Variants in ZNF385C observed in about 807,000 individuals in gnomAD.
ZNF385C encodes CTD-2132N18.2.
ZNF385C carries 28 observed loss-of-function variants against 35.4 expected under a neutral mutation model. The ratio of observed to expected loss-of-function variants is 0.79; its 90% confidence interval spans 0.59 to 1.08. ZNF385C has a LOEUF of 1.08. ZNF385C is among the 50% of genes least tolerant of loss of function. ZNF385C has a pLI of 0.00. For synonymous variants in ZNF385C, 248 were observed against 248.2 expected (o/e 1.00, Z 0.01); for missense variants, 605 against 595.6 (o/e 1.02, Z -0.16).
At chr17:42,060,111 T>C (rs1555657884) in intron 2 of ZNF385C, among the ~76,000 whole-genome samples, 1 of 152,100 alleles carries the variant, frequency 6.6e-6, no homozygotes, top group East Asian at 1.9e-4. Flanking sequence ...CCACTCAGTG[T>C]CAGCCCTCCA....
chr17:42,060,040 AG>A (rs1469355533), intron 2 of ZNF385C, among the ~76,000 whole-genome samples: 3 of 152,156 alleles, frequency 2.0e-5, no homozygotes, highest in African/African-American at 7.2e-5. Context: ...AGACCTGAAG[AG>A]GCTGTGTTAC....
intron 1 of ZNF385C, among the ~76,000 whole-genome samples, chr17:42,076,663 A>C (rs782466112): frequency 2.0e-5 from 3 of 152,210 alleles, no homozygotes; most frequent in Middle Eastern, 3.4e-3. Flanking sequence ...AGGCTCTGAG[A>C]AGTTAACTTA....
chr17:42,086,953 C>G lies in ZNF385C; in HGVS notation c.-3+11457G>C, dbSNP rs374663849. Among the ~76,000 whole-genome samples the G allele has an allele frequency of 5.9e-5, 9 of 151,276 alleles. No individual in the cohort carries two copies. The East Asian group carries it at 1.8e-3, about 30-fold the overall frequency. ...AAGCAATTCTCCTGCCTCAGCCTCC[C>G]AAGTAGCTGGGATTACACCACCACG... On this transcript the variant is annotated intron_variant, in intron 1 of 8. Coordinates refer to ENST00000692273, the MANE Select transcript of ZNF385C (RefSeq NM_001392013.1).
At chr17:42,031,844 G>A (rs948427772) in intron 4 of ZNF385C, 60 bp from the exon 5 acceptor site, 4 of 1,526,222 alleles carry the variant, frequency 2.6e-6, no homozygotes, top group Non-Finnish European at 3.5e-6. Context: ...CCCCATCTGT[G>A]AACTGGAGCC....
rs1038558192 is a variant in ZNF385C at position 42,039,657 on chromosome 17, C to T, written c.251-1772G>A. ...ATGGTCAAGTCTAGGTTGGCCCTTACAGTGCCCAGGGCCCCAGGCTGGATG... is the reference window on the plus strand; with the variant it reads ...ATGGTCAAGTCTAGGTTGGCCCTTATAGTGCCCAGGGCCCCAGGCTGGATG... On this transcript the variant is annotated intron_variant, in intron 2 of 8. Transcript: ENST00000692273. 4.9e-6 allele frequency: 6 copies of T among 1,227,822 alleles called. 1 individual carries two copies. Among genetic ancestry groups the T allele is most frequent in the East Asian group, 3.2e-5 (1 of 31,694 alleles). 76.1% of individuals were successfully genotyped at this position (1,227,822 alleles called of 1,614,324 possible). A position where few individuals can be genotyped will look rare whatever the true frequency, so the allele number is the denominator to read the frequency against.
chr17:42,062,659 G>A (rs2053480109), intron 2 of ZNF385C, 148 bp downstream of exon 2: 4 of 404,294 alleles, frequency 9.9e-6, no homozygotes, highest in Admixed American at 8.7e-5. Flanking sequence ...GCATCGGGGA[G>A]GCTTCAGACC....
At chr17:42,094,005 T>C (rs1251281252) in intron 1 of ZNF385C, among the ~76,000 whole-genome samples, 39 of 144,718 alleles carry the variant, frequency 2.7e-4, no homozygotes, top group African/African-American at 9.8e-4. Flanking sequence ...TTTTTTGAGA[T>C]GGAGTTTCAC....
intron 2 of ZNF385C, among the ~76,000 whole-genome samples, chr17:42,044,918 C>A (rs1462709810): frequency 1.5e-5 from 2 of 132,616 alleles, no homozygotes; most frequent in African/African-American, 5.6e-5. Flanking sequence ...CCAACTCTAC[C>A]TTTTTTTTTT....
chr17:42,090,814 G>A (rs1222051563), intron 1 of ZNF385C, among the ~76,000 whole-genome samples: 4 of 151,890 alleles, frequency 2.6e-5, no homozygotes, highest in East Asian at 2.0e-4. Flanking sequence ...CCCGGAAGGC[G>A]GAGCTTGCAG....
intron 2 of ZNF385C, chr17:42,039,186 G>T (rs528888317): frequency 2.0e-5 from 3 of 152,250 alleles, no homozygotes; most frequent in Admixed American, 6.5e-5. Context: ...AGGAGGCAGA[G>T]GTTGCAGTGA....
Position 42,028,842 on chromosome 17 carries a change from T to C in ZNF385C, c.908A>G (p.Tyr303Cys), listed in dbSNP as rs1555654643. 1 of 1,550,536 alleles carries C rather than the reference T, an allele frequency of 6.4e-7. No homozygotes were observed. Among genetic ancestry groups the C allele is most frequent in the East Asian group, 2.4e-5 (1 of 40,924 alleles). ...CACTGTCACCTTACACGTGGGGCAG[T>C]AGAGGTGCCCCTTCTCACTCCTGCC... ...GEGRSEKGHL[Y>C]CPTCKVTVNS... Residue 303 changes from tyrosine (Y) to cysteine (C), a missense_variant, in exon 6 of 9, where the codon TAC becomes TGC. Transcript: ENST00000692273.
intron 2 of ZNF385C, among the ~76,000 whole-genome samples, chr17:42,047,325 C>A (rs868963960): frequency 8.5e-4 from 129 of 152,132 alleles, no homozygotes; most frequent in African/African-American, 3.1e-3. Flanking sequence ...AGCCACTGCG[C>A]CTGGCCCCGG....
chr17:42,039,739 C>A (rs1269566565), intron 2 of ZNF385C: 12 of 1,232,414 alleles, frequency 9.7e-6, no homozygotes, highest in Non-Finnish European at 1.1e-5. Context: ...GCCCTCTCCC[C>A]ACCCACTCTC....
chr17:42,028,003 A>G, intron 7 of ZNF385C, 47 bp downstream of exon 7: 3 of 1,583,820 alleles, frequency 1.9e-6, no homozygotes, highest in African/African-American at 1.4e-5. Context: ...CTGCCCCCCA[A>G]CCCCCTCCCC....
At chr17:42,030,934 T>G (rs1291795306) in intron 5 of ZNF385C, among the ~76,000 whole-genome samples, 1 of 151,862 alleles carries the variant, frequency 6.6e-6, no homozygotes, top group Non-Finnish European at 1.5e-5. Flanking sequence ...CTTTCTCCTC[T>G]AAGCCCCCAA....
intron 1 of ZNF385C, among the ~76,000 whole-genome samples, chr17:42,090,344 T>C (rs1198905324): frequency 3.5e-5 from 5 of 142,386 alleles, no homozygotes; most frequent in African/African-American, 1.3e-4. Context: ...TGGAGTGCAA[T>C]TGCGCGATCT....
Position 42,037,639 on chromosome 17 carries a change from G to A in ZNF385C, c.399+98C>T, listed in dbSNP as rs142042311. 6.4e-3 allele frequency: 8,894 copies of A among 1,390,154 alleles called. 31 individuals are homozygous for A. The highest frequency in any genetic ancestry group is 8.2e-3 in the Middle Eastern group (31 of 3,796). The allele number at this position is 1,390,154 out of a possible 1,614,324, so 86.1% of individuals were successfully genotyped here. A position where few individuals can be genotyped will look rare whatever the true frequency, so the allele number is the denominator to read the frequency against. On this transcript the variant is annotated intron_variant, in intron 3 of 8. Transcript: ENST00000692273. ...GGGGATGTTGGAGAAAAAGCTCCTG[G>A]TTAGACCCAGCTGCTGAGAGCTGGA...
At chr17:42,056,664 G>C (rs2053380783) in intron 2 of ZNF385C, among the ~76,000 whole-genome samples, 1 of 152,116 alleles carries the variant, frequency 6.6e-6, no homozygotes, top group Admixed American at 6.5e-5. Context: ...TCATGTTGTG[G>C]GAGGGATCCA....
At chr17:42,048,176 C>G (rs2053207985) in intron 2 of ZNF385C, among the ~76,000 whole-genome samples, 1 of 151,870 alleles carries the variant, frequency 6.6e-6, no homozygotes, top group South Asian at 2.1e-4. Context: ...AGCCTGGGCA[C>G]CACACCACTC....
Sources: gnomAD v4.1 joint callset for allele counts (sites outside exome capture counted in the v4.1 genomes callset) on GRCh38, gnomAD v4.1.1 for gene constraint, MANE v1.5 for transcripts, NCBI Gene and HGNC (gene_info 2026-07-23, HGNC 2026-07-21) for gene names.